The following PTPRN2 variants were observed in gnomAD, a reference collection of about 807,000 sequenced individuals.
PTPRN2 encodes the protein receptor-type tyrosine-protein phosphatase N2.
Under a neutral mutation model 118.8 loss-of-function variants are expected in PTPRN2, and 74 were observed. The ratio of observed to expected loss-of-function variants is 0.62; its 90% confidence interval spans 0.52 to 0.76. The LOEUF (loss-of-function observed/expected upper bound fraction) is 0.76, where lower values mean the gene tolerates loss of function less well. Ranked by LOEUF, PTPRN2 falls within the 30% of genes least tolerant of loss-of-function variation. The pLI is 0.00. For synonymous variants in PTPRN2, 641 were observed against 608.0 expected, an observed-to-expected ratio of 1.05 and a Z score of -0.80; for missense variants, 1,481 against 1,394.4, an observed-to-expected ratio of 1.06 and a Z score of -0.99.
intron 2 of PTPRN2, among the ~76,000 whole-genome samples, chr7:158,444,310 A>C (rs897949143): frequency 6.6e-6 from 1 of 152,232 alleles, no homozygotes; most frequent in Non-Finnish European, 1.5e-5. Flanking sequence ...GGTGAGCCCC[A>C]GCCGGCCGTG....
chr7:157,667,773 C>T (rs17837791), intron 13 of PTPRN2, among the ~76,000 whole-genome samples: 10 of 152,246 alleles, frequency 6.6e-5, no homozygotes, highest in Admixed American at 1.3e-4. Context: ...TTGTCAGGAA[C>T]GGTAAACCCA....
chr7:158,341,069 C>A (rs1258796299), intron 2 of PTPRN2, among the ~76,000 whole-genome samples: 8 of 62,450 alleles, frequency 1.3e-4, no homozygotes, highest in African/African-American at 3.6e-4. Context: ...TCATTCACAC[C>A]CACACTCTCA....
At position 158,003,984 on chromosome 7, in the gene PTPRN2, T is replaced by C. The variant is rs6459827; in HGVS notation, c.1723+77314A>G. Among the ~76,000 whole-genome samples, 127,577 of 152,074 alleles carry C rather than the reference T, an allele frequency of 0.84. 53,605 individuals are homozygous for C. Among genetic ancestry groups the C allele is most frequent in the East Asian group, 0.89 (4,584 of 5,168 alleles). ...GAAACGTGTCAGCACCTTGGGAGCC[T>C]GGCCAGTGTTTCATTTCACTGAGTT... On this transcript the variant is annotated intron_variant, in intron 11 of 22. Coordinates refer to ENST00000389418, the MANE Select transcript of PTPRN2 (RefSeq NM_002847.5). This position sits in a 1 kb window ranked among gnomAD's most constrained non-coding sequence, Gnocchi z 5.0.
chr7:157,902,054 G>GCAGCACGGGC (rs1452068383), intron 11 of PTPRN2, among the ~76,000 whole-genome samples: 5 of 152,198 alleles, frequency 3.3e-5, no homozygotes, highest in Admixed American at 6.5e-5. Flanking sequence ...AAGTGGGGTC[G>GCAGCACGGGC]CAGCACGGGC....
chr7:157,999,724 G>A (rs1170580606), intron 11 of PTPRN2, among the ~76,000 whole-genome samples: 3 of 152,196 alleles, frequency 2.0e-5, no homozygotes, highest in Admixed American at 2.0e-4. Context: ...GAAACATCAA[G>A]GTGGGGGTGT....
chr7:157,657,145 C>T (rs1161301544), intron 13 of PTPRN2, among the ~76,000 whole-genome samples: 2 of 141,076 alleles, frequency 1.4e-5, no homozygotes, highest in African/African-American at 5.4e-5. Flanking sequence ...ATACGCCACA[C>T]ACACACACCA....
At chr7:158,539,460 G>A (rs1825843802) in intron 1 of PTPRN2, 1 of 152,368 alleles carries the variant, frequency 6.6e-6, no homozygotes, top group Non-Finnish European at 1.5e-5. Flanking sequence ...ATCTGACCCT[G>A]GCCCAGCACC....
In PTPRN2 at chr7:158,093,715, C is replaced by T. The variant is rs976053156; in HGVS notation, c.1644-12338G>A. Among the ~76,000 whole-genome samples the T allele has an allele frequency of 9.9e-5, 15 of 152,210 alleles. No homozygotes were observed. The highest frequency in any genetic ancestry group is 3.6e-4 in the African/African-American group (15 of 41,458). On this transcript the variant is annotated intron_variant, in intron 10 of 22. Coordinates refer to ENST00000389418, the MANE Select transcript of PTPRN2 (RefSeq NM_002847.5). This position sits in a 1 kb window ranked among gnomAD's most constrained non-coding sequence, Gnocchi z 4.4. The stretch of plus-strand genomic sequence containing the variant: ...AATGCATACCTACTTTCCTTACACA[C>T]ACTTTTAATTTTACCACATTTCCTG...
chr7:158,483,799 C>T (rs991368523), intron 2 of PTPRN2, among the ~76,000 whole-genome samples: 60 of 152,178 alleles, frequency 3.9e-4, no homozygotes, highest in African/African-American at 1.4e-3. Context: ...TAAAAAACAG[C>T]TTTATTGAAA....
chr7:157,608,812 T>C (rs1802158645), intron 15 of PTPRN2, among the ~76,000 whole-genome samples: 1 of 152,166 alleles, frequency 6.6e-6, no homozygotes, highest in African/African-American at 2.4e-5. Flanking sequence ...AAATGAAATA[T>C]CAGACCTCCC....
intron 3 of PTPRN2, among the ~76,000 whole-genome samples, chr7:158,245,766 T>C (rs1365046892): frequency 1.3e-5 from 2 of 152,230 alleles, no homozygotes; most frequent in East Asian, 1.9e-4. Flanking sequence ...TGAGTGGGGA[T>C]GTGGAAGCAG....
At chr7:158,502,987 G>T (rs368168458) in intron 1 of PTPRN2, among the ~76,000 whole-genome samples, 2 of 140,178 alleles carry the variant, frequency 1.4e-5, no homozygotes, top group Non-Finnish European at 3.1e-5. Context: ...GTGTCCATCA[G>T]CCACTGTGTC....
chr7:157,563,789 C>T (rs1364272128), intron 21 of PTPRN2, among the ~76,000 whole-genome samples: 1 of 151,918 alleles, frequency 6.6e-6, no homozygotes, highest in Non-Finnish European at 1.5e-5. Flanking sequence ...CCCACATCAC[C>T]ACACACAGCA....
chr7:158,262,857 C>A (rs1215618760), intron 3 of PTPRN2, among the ~76,000 whole-genome samples: 4 of 148,596 alleles, frequency 2.7e-5, no homozygotes, highest in Non-Finnish European at 5.9e-5. Context: ...TACATACATT[C>A]ACACACATTC....
rs909853012 is a variant in PTPRN2 at position 157,619,237 on chromosome 7, C to T, written c.2344+2125G>A. 2.6e-5 allele frequency among the ~76,000 whole-genome samples: 4 copies of T among 152,174 alleles called. No individual in the cohort carries two copies. Among genetic ancestry groups the T allele is most frequent in the Non-Finnish European group, 4.4e-5 (3 of 68,040 alleles). The stretch of plus-strand genomic sequence containing the variant: ...CGCTCCGGGCTGTCTTTGGGGAGGG[C>T]GTGCTGTCAGATGAATATTTACCAT... On this transcript the variant is annotated intron_variant, in intron 15 of 22. Coordinates refer to ENST00000389418, the MANE Select transcript of PTPRN2 (RefSeq NM_002847.5). This position sits in a 1 kb window ranked among gnomAD's most constrained non-coding sequence, Gnocchi z 5.3.
intron 12 of PTPRN2, among the ~76,000 whole-genome samples, chr7:157,898,026 G>A (rs1260696485): frequency 5.3e-5 from 8 of 152,266 alleles, no homozygotes; most frequent in Non-Finnish European, 1.2e-4. Context: ...GGCCATCGGC[G>A]CGGTGCGGGG....
intron 11 of PTPRN2, among the ~76,000 whole-genome samples, chr7:157,963,719 C>T (rs1801699851): frequency 6.6e-6 from 1 of 152,244 alleles, no homozygotes; most frequent in South Asian, 2.1e-4. Context: ...GATGCCGCTT[C>T]TCAGTGAGGT....
At chr7:157,999,067 G>A (rs1258725673) in intron 11 of PTPRN2, among the ~76,000 whole-genome samples, 1 of 151,864 alleles carries the variant, frequency 6.6e-6, no homozygotes, top group African/African-American at 2.4e-5. Context: ...CGGCCGTAGG[G>A]GTCCGCCCTG....
At chr7:158,418,433 A>G (rs1387118999) in intron 2 of PTPRN2, among the ~76,000 whole-genome samples, 1 of 150,888 alleles carries the variant, frequency 6.6e-6, no homozygotes, top group Admixed American at 6.6e-5. Context: ...CTACATCGAG[A>G]TGCTGTAGCT....
Sources: gnomAD v4.1 joint callset for allele counts (sites outside exome capture counted in the v4.1 genomes callset) on GRCh38, gnomAD v4.1.1 for gene constraint, Gnocchi (gnomAD v3.1) non-coding constraint, MANE v1.5 for transcripts, NCBI Gene and HGNC (gene_info 2026-07-23, HGNC 2026-07-21) for gene names.